Variants in SESN3 observed in about 807,000 individuals in gnomAD.
The protein encoded by SESN3 is sestrin-3.
Under a neutral mutation model 55.3 loss-of-function variants are expected in SESN3, and 21 were observed. The ratio of observed to expected loss-of-function variants is 0.38; its 90% CI spans 0.27 to 0.55. The LOEUF is 0.55. Among genes scored for constraint, SESN3 ranks in the 20% least tolerant of loss-of-function variants. The pLI, the probability that SESN3 is intolerant of heterozygous loss-of-function variation, is 0.76. For synonymous variants in SESN3, 181 were observed against 203.1 expected, an observed-to-expected ratio of 0.89 and a Z score of 0.93; for missense variants, 408 against 604.3, an observed-to-expected ratio of 0.68 and a Z score of 3.41.
At position 95,169,597 on chromosome 11, in the gene SESN3, TATA is replaced by T. The variant is rs755023617; in HGVS notation, c.*3655_*3657del. 9.8e-5 allele frequency: 15 copies of T among 152,340 alleles called. No homozygotes were observed. The highest frequency in any genetic ancestry group is 1.3e-4 in the Admixed American group (2 of 15,296). The allele number at this position is 152,340 out of a possible 1,614,324, so 9.4% of individuals were successfully genotyped here. On this transcript the variant is annotated 3_prime_UTR_variant, in exon 10 of 10. Coordinates refer to ENST00000536441, the MANE Select transcript of SESN3 (RefSeq NM_144665.4). ...TTGCTAACACAGTGCAAATCATTTT[TATA>T]ATATGCACTGAAATTTATTTTTTCC...
chr11:95,212,261 T>A lies in SESN3; in HGVS notation c.78+18522A>T, dbSNP rs76533563. On this transcript the variant is annotated intron_variant, in intron 1 of 9. Transcript: ENST00000536441. The stretch of plus-strand genomic sequence containing the variant: ...ACAAGTGAAGATACATAATAATCTA[T>A]TAACCTCTACAAAAAGTCAAAAGGT... Among the ~76,000 whole-genome samples, 201 of 152,254 alleles carry A rather than the reference T, an allele frequency of 1.3e-3. 3 individuals are homozygous for A. The East Asian group carries it at 0.025, about 19-fold the overall frequency.
In SESN3 at chr11:95,175,771, G is replaced by A. The variant is rs955406070; in HGVS notation, c.1248-129C>T. ...TCGTTAATTAATTGAATCAACAAAT[G>A]TTTACTGAGTACCCATTATGTGCCA... On this transcript the variant is annotated intron_variant, in intron 8 of 9. Coordinates refer to ENST00000536441, the MANE Select transcript of SESN3 (RefSeq NM_144665.4). The A allele has an allele frequency of 5.5e-6, 4 of 728,230 alleles. No individual in the cohort carries two copies. The Admixed American group carries it at 8.0e-5, about 15-fold the overall frequency. 45.1% of individuals were successfully genotyped at this position (728,230 alleles called of 1,614,324 possible). A position where few individuals can be genotyped will look rare whatever the true frequency, so the allele number is the denominator to read the frequency against.
At chr11:95,208,880 A>C (rs1860598195) in intron 1 of SESN3, among the ~76,000 whole-genome samples, 1 of 151,598 alleles carries the variant, frequency 6.6e-6, no homozygotes. Context: ...CAGAAAACTG[A>C]AACTGGACCC....
rs752202849 is a variant in SESN3 at position 95,177,895 on chromosome 11, T to C, written c.1071A>G (p.Glu357=). 3.1e-6 allele frequency: 5 copies of C among 1,588,158 alleles called. No homozygotes were observed. The South Asian group carries it at 5.8e-5, about 18-fold the overall frequency. Residue 357 remains glutamate, a synonymous_variant, in exon 8 of 10, where the codon GAA becomes GAG. Transcript: ENST00000536441. ...TGTTCACCAGGGAGAACCCATGATTTTCCCAGGTATAGTCCTAAAAGAATA... is the reference window on the plus strand; with the variant it reads ...TGTTCACCAGGGAGAACCCATGATTCTCCCAGGTATAGTCCTAAAAGAATA... ...PTFRAQDYTW[E]NHGFSLVNRL...
intron 4 of SESN3, among the ~76,000 whole-genome samples, chr11:95,187,121 TCTC>T (rs897806156): frequency 7.2e-5 from 11 of 152,002 alleles, no homozygotes; most frequent in African/African-American, 2.7e-4. Context: ...TATAACTACT[TCTC>T]CTTTCCTATA....
intron 6 of SESN3, among the ~76,000 whole-genome samples, chr11:95,181,399 C>T (rs1860056098): frequency 6.6e-6 from 1 of 152,046 alleles, no homozygotes; most frequent in Non-Finnish European, 1.5e-5. Flanking sequence ...GTCCCTCAAT[C>T]CACAAATACT....
At chr11:95,226,034 TA>T (rs71036382) in intron 1 of SESN3, among the ~76,000 whole-genome samples, 43,719 of 132,272 alleles carry the variant, frequency 0.33, 6,782 homozygotes, top group Middle Eastern at 0.41. Flanking sequence ...CAAAAATAAG[TA>T]AAAAAAAAAA....
At chr11:95,226,731 C>T (rs1175125611) in intron 1 of SESN3, among the ~76,000 whole-genome samples, 1 of 152,094 alleles carries the variant, frequency 6.6e-6, no homozygotes, top group Admixed American at 6.5e-5. Flanking sequence ...TAATTCAAGA[C>T]CTGCACAAGA....
At position 95,170,136 on chromosome 11, in the gene SESN3, T is replaced by C. The variant is rs1476502665; in HGVS notation, c.*3119A>G. On this transcript the variant is annotated 3_prime_UTR_variant, in exon 10 of 10. Transcript: ENST00000536441. Reference sequence around the variant, plus strand: ...GTAATAAGCTGTCTCAAAAGCCTCTTTTCCCCTAATAGTCATATATCCACC... The same window carrying C: ...GTAATAAGCTGTCTCAAAAGCCTCTCTTCCCCTAATAGTCATATATCCACC... The C allele has an allele frequency of 6.6e-6, 1 of 152,214 alleles. No individual in the cohort carries two copies. The highest frequency in any genetic ancestry group is 1.5e-5 in the Non-Finnish European group (1 of 68,030). The allele number at this position is 152,214 out of a possible 1,614,324, so 9.4% of individuals were successfully genotyped here.
At chr11:95,217,735 G>GC (rs1390489454) in intron 1 of SESN3, among the ~76,000 whole-genome samples, 3 of 151,462 alleles carry the variant, frequency 2.0e-5, no homozygotes, top group African/African-American at 7.3e-5. Context: ...CTTGCACACT[G>GC]CACTAGTTAT....
chr11:95,184,326 C>G, intron 6 of SESN3, 94 bp downstream of exon 6: 1 of 978,614 alleles, frequency 1.0e-6, no homozygotes, highest in South Asian at 1.4e-5. Flanking sequence ...AAGATGGTAG[C>G]AGAATCATTT....
chr11:95,230,527 G>T lies in SESN3; in HGVS notation c.78+256C>A. On this transcript the variant is annotated intron_variant, in intron 1 of 9. Transcript: ENST00000536441. The surrounding 1 kb of genome is among the most constrained non-coding windows in gnomAD (Gnocchi z 4.6). ...AAATGAGCCGTAAAGGAGAGCAAAG[G>T]CACCAAATAAAAGGAACAAGGGAAG... The T allele has an allele frequency of 2.1e-6, 1 of 478,090 alleles. No individual in the cohort carries two copies. The highest frequency in any genetic ancestry group is 2.4e-5 in the South Asian group (1 of 42,388). The allele number at this position is 478,090 out of a possible 1,614,324, so 29.6% of individuals were successfully genotyped here.
chr11:95,216,089 C>T (rs1449668949), intron 1 of SESN3, among the ~76,000 whole-genome samples: 2 of 135,028 alleles, frequency 1.5e-5, no homozygotes, highest in Non-Finnish European at 3.1e-5. Context: ...CAGAGAGAGA[C>T]TCCATCTCAA....
At chr11:95,215,824 C>T (rs1336690131) in intron 1 of SESN3, among the ~76,000 whole-genome samples, 5 of 152,090 alleles carry the variant, frequency 3.3e-5, no homozygotes, top group South Asian at 2.1e-4. Context: ...CTTGGCCGGG[C>T]GCGGTGGCTC....
At chr11:95,180,435 C>T (rs1439245710) in intron 6 of SESN3, among the ~76,000 whole-genome samples, 7 of 152,070 alleles carry the variant, frequency 4.6e-5, no homozygotes, top group Admixed American at 4.6e-4. Context: ...TTGATAATGG[C>T]AGGAAAGATT....
chr11:95,193,090 T>G (rs748013260), intron 2 of SESN3, among the ~76,000 whole-genome samples: 23 of 152,196 alleles, frequency 1.5e-4, no homozygotes, highest in Non-Finnish European at 2.9e-4. Flanking sequence ...GCTTCTCCAG[T>G]GCATGGTGCA....
At chr11:95,195,476 C>G (rs542759342) in intron 1 of SESN3, among the ~76,000 whole-genome samples, 1 of 152,106 alleles carries the variant, frequency 6.6e-6, no homozygotes, top group Non-Finnish European at 1.5e-5. Flanking sequence ...CTACAATGTG[C>G]TAGGCAGTGA....
At position 95,231,166 on chromosome 11, in the gene SESN3, TGCCACCGCCACCACC is replaced by T. The variant is rs1555124850; in HGVS notation, c.-321_-307del. 2 of 283,898 alleles carry T rather than the reference TGCCACCGCCACCACC, an allele frequency of 7.0e-6. No homozygotes were observed. Among genetic ancestry groups the T allele is most frequent in the Admixed American group, 7.5e-5 (1 of 13,408 alleles). The allele number at this position is 283,898 out of a possible 1,614,324, so 17.6% of individuals were successfully genotyped here. On this transcript the variant is annotated 5_prime_UTR_variant, in exon 1 of 10. Transcript: ENST00000536441. ...GGCTAGGACGAGCAGCCGCCACCGCTGCCACCGCCACCACCGCCGCCGCAGCGCCTCAGTGCGGCC... is the reference window on the plus strand; with the variant it reads ...GGCTAGGACGAGCAGCCGCCACCGCTGCCGCCGCAGCGCCTCAGTGCGGCC...
intron 6 of SESN3, among the ~76,000 whole-genome samples, chr11:95,182,670 T>A (rs1398541928): frequency 6.6e-6 from 1 of 152,188 alleles, no homozygotes; most frequent in Non-Finnish European, 1.5e-5. Context: ...TTTATAGACA[T>A]CTCTACTCAA....
Sources: gnomAD v4.1 joint callset for allele counts (sites outside exome capture counted in the v4.1 genomes callset) on GRCh38, gnomAD v4.1.1 for gene constraint, Gnocchi (gnomAD v3.1) non-coding constraint, MANE v1.5 for transcripts, NCBI Gene and HGNC (gene_info 2026-07-23, HGNC 2026-07-21) for gene names.